The following FGF12 variants were observed in gnomAD, a reference collection of about 807,000 sequenced individuals.
The protein encoded by FGF12 is fibroblast growth factor 12B.
FGF12 carries 14 observed loss-of-function variants against 23.6 expected under a neutral mutation model. The ratio of observed to expected loss-of-function variants is 0.59; its 90% CI spans 0.39 to 0.93. FGF12 has a LOEUF of 0.93. Among genes scored for constraint, FGF12 ranks in the 40% least tolerant of loss-of-function variants. The pLI is 0.00. For synonymous variants in FGF12, 62 were observed against 77.3 expected (o/e 0.80, Z 1.04); for missense variants, 175 against 217.8 (o/e 0.80, Z 1.24).
rs147603226 is a variant in FGF12, at chr3:192,239,789, C to T, written c.229-69133G>A. On this transcript the variant is annotated intron_variant, in intron 4 of 5. Coordinates refer to ENST00000445105, the MANE Select transcript of FGF12 (RefSeq NM_004113.6). ...CCCCAACTAGTCTGTGGAAAAATTG[C>T]GTTCCAAGAAACTGGTTTCTGGTGC... 1.4e-4 allele frequency among the ~76,000 whole-genome samples: 22 copies of T among 152,294 alleles called. No homozygotes were observed. In the East Asian group the frequency reaches 2.3e-3, roughly 16 times the overall value.
Position 192,541,434 on chromosome 3 carries a change from C to G in FGF12, c.14-180896G>C, listed in dbSNP as rs185398474. On this transcript the variant is annotated intron_variant, in intron 2 of 5. Transcript: ENST00000445105. ...AAAGTTTATATTTTAATTGTGTCCCCCACTTTTTAACTTTTTGCTATTTCT... is the reference window on the plus strand; with the variant it reads ...AAAGTTTATATTTTAATTGTGTCCCGCACTTTTTAACTTTTTGCTATTTCT... Among the ~76,000 whole-genome samples, 19 of 152,144 alleles carry G rather than the reference C, an allele frequency of 1.2e-4. No individual in the cohort carries two copies. In the East Asian group the frequency reaches 3.7e-3, roughly 29 times the overall value.
chr3:192,233,899 G>T (rs1164789726), intron 4 of FGF12, among the ~76,000 whole-genome samples: 1 of 151,992 alleles, frequency 6.6e-6, no homozygotes, highest in Non-Finnish European at 1.5e-5. Flanking sequence ...TGGTCTATGT[G>T]TCTATTTTTG....
At chr3:192,156,914 C>T (rs1199357948) in intron 5 of FGF12, among the ~76,000 whole-genome samples, 1 of 152,192 alleles carries the variant, frequency 6.6e-6, no homozygotes, top group African/African-American at 2.4e-5. Context: ...TTCTGACTTA[C>T]ATTTCAATTT....
At chr3:192,334,074 CGAG>C (rs1717266683) in intron 4 of FGF12, among the ~76,000 whole-genome samples, 1 of 152,144 alleles carries the variant, frequency 6.6e-6, no homozygotes, top group South Asian at 2.1e-4. Context: ...TCCTGTGATA[CGAG>C]TTCAGTTAAT....
At chr3:192,468,114 A>G (rs1723063489) in intron 2 of FGF12, among the ~76,000 whole-genome samples, 1 of 152,182 alleles carries the variant, frequency 6.6e-6, no homozygotes, top group Admixed American at 6.5e-5. Context: ...AGAGACATGG[A>G]GTTCTATGAC....
At chr3:192,404,317 G>T (rs1307264713) in intron 2 of FGF12, among the ~76,000 whole-genome samples, 1 of 152,122 alleles carries the variant, frequency 6.6e-6, no homozygotes, top group Non-Finnish European at 1.5e-5. Context: ...TAATATTGAT[G>T]ACCTCCAAGG....
chr3:192,452,505 A>C (rs1009469458), intron 2 of FGF12, among the ~76,000 whole-genome samples: 1 of 152,160 alleles, frequency 6.6e-6, no homozygotes, highest in African/African-American at 2.4e-5. Context: ...ACAGGGTTCT[A>C]TTGGTCTCAT....
At chr3:192,432,607 T>A (rs1721891009) in intron 2 of FGF12, among the ~76,000 whole-genome samples, 1 of 126,642 alleles carries the variant, frequency 7.9e-6, no homozygotes, top group Admixed American at 9.2e-5. Context: ...GAGAGAGCAT[T>A]GCTGACATCT....
At chr3:192,533,080 A>C (rs1725132993) in intron 2 of FGF12, among the ~76,000 whole-genome samples, 1 of 152,226 alleles carries the variant, frequency 6.6e-6, no homozygotes, top group South Asian at 2.1e-4. Flanking sequence ...AATTTAAAAT[A>C]GCGTGTGCTC....
intron 4 of FGF12, among the ~76,000 whole-genome samples, chr3:192,250,832 G>A (rs962217099): frequency 5.9e-5 from 9 of 151,790 alleles, no homozygotes; most frequent in South Asian, 2.1e-4. Context: ...GATCCAACTC[G>A]GATGTTCATT....
chr3:192,292,276 T>G (rs1714797471), intron 4 of FGF12, among the ~76,000 whole-genome samples: 2 of 152,282 alleles, frequency 1.3e-5, no homozygotes, highest in East Asian at 1.9e-4. Flanking sequence ...TATTGGTCAT[T>G]GTGTCAGGAA....
chr3:192,407,778 T>G (rs2108775687), intron 2 of FGF12, among the ~76,000 whole-genome samples: 1 of 152,286 alleles, frequency 6.6e-6, no homozygotes, highest in East Asian at 1.9e-4. Flanking sequence ...TTGGAATAAG[T>G]GCATCTATAC....
intron 2 of FGF12, among the ~76,000 whole-genome samples, chr3:192,556,328 G>T (rs923912950): frequency 1.3e-5 from 2 of 152,114 alleles, no homozygotes; most frequent in African/African-American, 4.8e-5. Flanking sequence ...AGATGGAAAA[G>T]ATTTTCCATG....
intron 2 of FGF12, among the ~76,000 whole-genome samples, chr3:192,400,540 T>C (rs192762152): frequency 3.3e-5 from 5 of 152,182 alleles, no homozygotes; most frequent in Admixed American, 3.3e-4. Flanking sequence ...AGCTAATTTT[T>C]GTATTTTTAA....
At chr3:192,183,657 G>T (rs550596980) in intron 4 of FGF12, among the ~76,000 whole-genome samples, 1 of 152,148 alleles carries the variant, frequency 6.6e-6, no homozygotes, top group East Asian at 1.9e-4. Flanking sequence ...TTCATAAAAG[G>T]TACTAAAAAG....
intron 4 of FGF12, among the ~76,000 whole-genome samples, chr3:192,236,419 T>C (rs886714159): frequency 6.6e-6 from 1 of 152,334 alleles, no homozygotes; most frequent in Middle Eastern, 3.4e-3. Flanking sequence ...CTTTGTTAGC[T>C]TTCTGCCTTC....
chr3:192,652,159 T>C (rs1196560539), intron 2 of FGF12, among the ~76,000 whole-genome samples: 2 of 152,196 alleles, frequency 1.3e-5, no homozygotes, highest in African/African-American at 2.4e-5. Context: ...ACGAATTGTA[T>C]GCCATGGGCA....
Position 192,170,595 on chromosome 3 carries a change from T to C in FGF12, c.290A>G (p.Tyr97Cys). Residue 97 changes from tyrosine (Y) to cysteine (C), a missense_variant, in exon 5 of 6, where the codon TAT becomes TGT. Transcript: ENST00000445105. Reference sequence around the variant, plus strand: ...TTGCTGGCGGTACAGTGTGGAAGAATAGATCACATAGTAGTTTTCAAACAC... The same window carrying C: ...TTGCTGGCGGTACAGTGTGGAAGAACAGATCACATAGTAGTTTTCAAACAC... ...ESVFENYYVIYSSTLYRQQES... is the reference protein window; with the variant it reads ...ESVFENYYVICSSTLYRQQES... 1 of 1,612,938 alleles carries C rather than the reference T, an allele frequency of 6.2e-7. No homozygotes were observed. The highest frequency in any genetic ancestry group is 8.5e-7 in the Non-Finnish European group (1 of 1,179,830).
At position 192,510,281 on chromosome 3, in the gene FGF12, G is replaced by A. The variant is rs545748279; in HGVS notation, c.14-149743C>T. The stretch of plus-strand genomic sequence containing the variant: ...AAAGTGCTAATGACAACTCAACAAT[G>A]AGAAATGAACAACCTGATTTAAAAC... On this transcript the variant is annotated intron_variant, in intron 2 of 5. Coordinates refer to ENST00000445105, the MANE Select transcript of FGF12 (RefSeq NM_004113.6). Among the ~76,000 whole-genome samples the A allele has an allele frequency of 1.2e-3, 178 of 152,308 alleles. 2 individuals are homozygous for A. The highest frequency in any genetic ancestry group is 2.4e-3 in the Non-Finnish European group (165 of 68,032).
Sources: gnomAD v4.1 joint callset for allele counts (sites outside exome capture counted in the v4.1 genomes callset) on GRCh38, gnomAD v4.1.1 for gene constraint, MANE v1.5 for transcripts, NCBI Gene and HGNC (gene_info 2026-07-23, HGNC 2026-07-21) for gene names.